The following CIB1 variants were observed in gnomAD, a reference collection of about 807,000 sequenced individuals.
CIB1 encodes the protein calcium and integrin-binding protein 1.
A neutral mutation model predicts 25.0 loss-of-function variants in CIB1; 19 were observed. The observed-to-expected ratio is 0.76, with a 90% CI of 0.53 to 1.12. CIB1 has a LOEUF of 1.12. Among genes scored for constraint, CIB1 ranks in the 50% most tolerant of loss-of-function variants. The pLI is 0.00. For missense variants in CIB1, 236 were observed against 242.6 expected (o/e 0.97, Z 0.18); for synonymous variants, 104 against 98.5 (o/e 1.06, Z -0.33).
chr15:90,241,300 C>T, the CIB1 span: 3 of 1,614,194 alleles, frequency 1.9e-6, no homozygotes, highest in South Asian at 1.1e-5. Context: ...AAGATCCGGC[C>T]CGGAGAAGTC....
the CIB1 span, chr15:90,264,701 A>G: frequency 4.6e-6 from 7 of 1,534,528 alleles, no homozygotes; most frequent in African/African-American, 8.2e-5. Context: ...ACTCAGGGAC[A>G]TCCATGTTTC....
chr15:90,252,924 A>C, the CIB1 span, among the ~76,000 whole-genome samples: 4 of 152,114 alleles, frequency 2.6e-5, no homozygotes, highest in Admixed American at 2.6e-4. Context: ...AATCTCTTGA[A>C]CCTGGGAGGC....
chr15:90,264,905 C>T, the CIB1 span: 2 of 1,536,084 alleles, frequency 1.3e-6, no homozygotes, highest in South Asian at 2.4e-5. Flanking sequence ...TCCCCTCTGC[C>T]CTGCGTCTGC....
the CIB1 span, among the ~76,000 whole-genome samples, chr15:90,251,990 T>C: frequency 6.6e-6 from 1 of 151,650 alleles, no homozygotes. Flanking sequence ...TCTTCCTATC[T>C]GAGCTTCCCA....
the CIB1 span, chr15:90,251,564 A>G: frequency 6.2e-7 from 1 of 1,613,920 alleles, no homozygotes; most frequent in Non-Finnish European, 8.5e-7. Context: ...ATCACTGGCC[A>G]TCAACCTGAC....
At chr15:90,239,253 G>A in the CIB1 span, among the ~76,000 whole-genome samples, 3,672 of 150,692 alleles carry the variant, frequency 0.024, 142 homozygotes, top group African/African-American at 0.081. Context: ...AAATTTACTC[G>A]ATATATATAA....
At chr15:90,236,225 A>C (rs1962634284), upstream of CIB1, 1 of 152,054 alleles carries the variant, frequency 6.6e-6, no homozygotes. Context: ...TTTAGTAGAG[A>C]CGGGGTTTCT....
chr15:90,243,640 GTTTTTT>G, the CIB1 span: 20,903 of 100,564 alleles, frequency 0.21, 1,921 homozygotes, highest in Middle Eastern at 0.29. Context: ...CTTGGTGCAG[GTTTTTT>G]TTTTTTTTTT....
At chr15:90,247,877 C>T in the CIB1 span, among the ~76,000 whole-genome samples, 3 of 151,402 alleles carry the variant, frequency 2.0e-5, no homozygotes, top group South Asian at 2.1e-4. Flanking sequence ...TACAGGCGCC[C>T]GCCACCATGC....
the CIB1 span, chr15:90,263,487 C>CT: frequency 3.9e-6 from 2 of 508,682 alleles, no homozygotes; most frequent in Admixed American, 7.0e-5. Flanking sequence ...AATTTTCTCC[C>CT]TAGCACTGCC....
the CIB1 span, chr15:90,262,204 A>T: frequency 6.6e-7 from 1 of 1,522,866 alleles, no homozygotes; most frequent in Admixed American, 2.0e-5. Flanking sequence ...ACTTTGACCG[A>T]CATTCTCCTC....
rs760267838 is a variant in CIB1 at position 90,232,343 on chromosome 15, G to T, written c.87-16C>A. On this transcript the variant is annotated splice_polypyrimidine_tract_variant and intron_variant, in intron 2 of 6. Transcript: ENST00000328649. ...CCTGTGGGCTCTGGTAGAGAGAGGG[G>T]AACTGTCGGTGTTCTCAGCGATCGG... 1 of 1,591,170 alleles carries T rather than the reference G, an allele frequency of 6.3e-7. No individual in the cohort carries two copies. The highest frequency in any genetic ancestry group is 1.1e-5 in the South Asian group (1 of 89,010).
At chr15:90,262,690 C>T in the CIB1 span, 1 of 1,457,216 alleles carries the variant, frequency 6.9e-7, no homozygotes, top group South Asian at 1.4e-5. Context: ...TTTTGTAGCT[C>T]TTATCTTTCC....
At chr15:90,237,626 T>C (rs1307197652), upstream of CIB1, among the ~76,000 whole-genome samples, 1 of 152,198 alleles carries the variant, frequency 6.6e-6, no homozygotes, top group Non-Finnish European at 1.5e-5. Flanking sequence ...TCTTATTGAT[T>C]AATGACGTTA....
the CIB1 span, among the ~76,000 whole-genome samples, chr15:90,264,231 G>A: frequency 1.6e-3 from 243 of 152,110 alleles, 2 homozygotes; most frequent in African/African-American, 5.5e-3. Context: ...ACGCTCTGTC[G>A]CCAAGGCTGA....
rs758686010 is a variant in CIB1 at position 90,232,316 on chromosome 15, C to T, written c.98G>A (p.Arg33Gln). 1.4e-5 allele frequency: 23 copies of T among 1,608,026 alleles called. No individual in the cohort carries two copies. Among genetic ancestry groups the T allele is most frequent in the East Asian group, 2.2e-5 (1 of 44,590 alleles). The change falls in exon 3 of 7, where the codon CGG becomes CAG. Residue 33 changes from arginine to glutamine, a missense_variant. Transcript: ENST00000328649. ...TKQEILLAHRRFCELLPQEQR... is the reference protein window; with the variant it reads ...TKQEILLAHRQFCELLPQEQR... The stretch of plus-strand genomic sequence containing the variant: ...CTCCTGGGGAAGCAGCTCACAAAAC[C>T]GCCTGTGGGCTCTGGTAGAGAGAGG...
At chr15:90,261,804 G>C in the CIB1 span, among the ~76,000 whole-genome samples, 1 of 152,322 alleles carries the variant, frequency 6.6e-6, no homozygotes, top group Non-Finnish European at 1.5e-5. Context: ...AAGCAAATCA[G>C]ATTTCTGGAA....
upstream of CIB1, among the ~76,000 whole-genome samples, chr15:90,236,755 C>T (rs977589968): frequency 7.9e-5 from 12 of 151,860 alleles, no homozygotes; most frequent in African/African-American, 2.2e-4. Context: ...CCAGGATGGT[C>T]TCGATCTCCT....
At chr15:90,242,215 G>A in the CIB1 span, 1 of 463,458 alleles carries the variant, frequency 2.2e-6, no homozygotes. Context: ...AGCCTCTTGA[G>A]TAGCTGAGAC....
Sources: allele counts gnomAD v4.1 joint callset (sites outside exome capture counted in the v4.1 genomes callset), GRCh38; gene constraint gnomAD v4.1.1; transcripts MANE v1.5; gene names NCBI Gene and HGNC (gene_info 2026-07-23, HGNC 2026-07-21).